PALM: variants seen among roughly 807,000 people sequenced by gnomAD.
PALM encodes paralemmin-1.
In PALM, 18 loss-of-function variants were observed where a neutral mutation model predicts 30.7. The ratio of observed to expected loss-of-function variants is 0.59; its 90% CI spans 0.41 to 0.87. PALM has a LOEUF of 0.87. Ranked by LOEUF, PALM falls within the 40% of genes least tolerant of loss-of-function variation. PALM has a pLI of 0.00. For missense variants in PALM, 529 were observed against 555.4 expected (o/e 0.95, Z 0.48); for synonymous variants, 286 against 242.8 (o/e 1.18, Z -1.66).
chr19:721,897 CCATTT>C (rs2032494767), intron 1 of PALM, among the ~76,000 whole-genome samples: 1 of 151,580 alleles, frequency 6.6e-6, no homozygotes, highest in African/African-American at 2.4e-5. Flanking sequence ...TGCACCTGGC[CCATTT>C]TTAAAAATTT....
intron 2 of PALM, 106 bp downstream of exon 2, chr19:726,295 G>A: frequency 1.1e-6 from 1 of 872,312 alleles, no homozygotes. Flanking sequence ...AGGGCATGGT[G>A]GGTGGTGAGT....
At chr19:727,288 C>G (rs1199618799) in intron 3 of PALM, among the ~76,000 whole-genome samples, 200 bp downstream of exon 3, 1 of 150,432 alleles carries the variant, frequency 6.6e-6, no homozygotes, top group Non-Finnish European at 1.5e-5. Context: ...TGACCCCAAC[C>G]TGACCCTGAC....
In PALM at chr19:709,314, T is replaced by C. The variant is rs2031991663; in HGVS notation, c.5+163T>C. Among the ~76,000 whole-genome samples, 1 of 150,872 alleles carries C rather than the reference T, an allele frequency of 6.6e-6. No homozygotes were observed. On this transcript the variant is annotated intron_variant, in intron 1 of 8. Transcript: ENST00000338448. The surrounding 1 kb of genome is among the most constrained non-coding windows in gnomAD (Gnocchi z 4.3). ...GGCCGCAGCGCAGCCGGGAAGAGACTCGGGCTGGGCCGCGCCTGCCGGGAG... is the reference window on the plus strand; with the variant it reads ...GGCCGCAGCGCAGCCGGGAAGAGACCCGGGCTGGGCCGCGCCTGCCGGGAG...
intron 1 of PALM, among the ~76,000 whole-genome samples, chr19:720,793 C>A (rs1162136292): frequency 2.0e-5 from 3 of 152,246 alleles, no homozygotes; most frequent in Admixed American, 1.3e-4. Context: ...GCCTGGGAGG[C>A]GGCCACACAG....
At chr19:730,446 A>AG (rs2032834871) in intron 4 of PALM, among the ~76,000 whole-genome samples, 1 of 152,178 alleles carries the variant, frequency 6.6e-6, no homozygotes. Context: ...ATACTTGGAA[A>AG]GTGACATGGT....
chr19:744,890 A>G (rs2033293340), intron 8 of PALM, among the ~76,000 whole-genome samples: 1 of 120,256 alleles, frequency 8.3e-6, no homozygotes. Context: ...GGAGTCAAAA[A>G]AAAAAAGCAG....
chr19:715,444 C>G (rs1017497289), intron 1 of PALM, among the ~76,000 whole-genome samples: 1 of 152,188 alleles, frequency 6.6e-6, no homozygotes, highest in African/African-American at 2.4e-5. Context: ...AGCATCTTCT[C>G]TGAGGTGTGA....
chr19:718,893 C>CG (rs2032360093), intron 1 of PALM, among the ~76,000 whole-genome samples: 1 of 151,878 alleles, frequency 6.6e-6, no homozygotes, highest in African/African-American at 2.4e-5. Context: ...GAAGCAGGGC[C>CG]GGGGGTGCCA....
intron 1 of PALM, among the ~76,000 whole-genome samples, chr19:723,237 G>A (rs1343299984): frequency 6.6e-6 from 1 of 152,160 alleles, no homozygotes; most frequent in South Asian, 2.1e-4. Context: ...AGAGAGGCAC[G>A]AGGGCTCTTT....
intron 7 of PALM, among the ~76,000 whole-genome samples, chr19:736,550 G>A (rs1352769668): frequency 1.3e-5 from 2 of 152,206 alleles, no homozygotes; most frequent in Non-Finnish European, 2.9e-5. Context: ...CGAGAAGCAG[G>A]GGAAGGTGGG....
intron 7 of PALM, among the ~76,000 whole-genome samples, chr19:738,370 C>A (rs2033085297): frequency 6.6e-6 from 1 of 151,906 alleles, no homozygotes; most frequent in Admixed American, 6.6e-5. Flanking sequence ...AGTAAAAATA[C>A]AAAAAATTAG....
intron 4 of PALM, among the ~76,000 whole-genome samples, chr19:729,563 T>G (rs1013052484): frequency 6.8e-6 from 1 of 147,812 alleles, no homozygotes; most frequent in African/African-American, 2.5e-5. Context: ...CCTCCCGGGT[T>G]CACGCCATTC....
At chr19:732,316 C>A (rs2032901030) in intron 5 of PALM, among the ~76,000 whole-genome samples, 1 of 152,210 alleles carries the variant, frequency 6.6e-6, no homozygotes, top group Non-Finnish European at 1.5e-5. Context: ...GGCAGAGAGG[C>A]TGGCTCAAGG....
chr19:710,242 C>T (rs1000026709), intron 1 of PALM, among the ~76,000 whole-genome samples: 1 of 152,230 alleles, frequency 6.6e-6, no homozygotes, highest in Non-Finnish European at 1.5e-5. Context: ...CCGCCACGCC[C>T]GCGGCTGGGT....
rs570679908 is a variant in PALM at position 710,421 on chromosome 19, C to G, written c.5+1270C>G. The stretch of plus-strand genomic sequence containing the variant: ...ACTTGCCTGCTCCACACCCCCACCC[C>G]CCAGCCTTGTTTATCTGCCCTGCTC... On this transcript the variant is annotated intron_variant, in intron 1 of 8. Coordinates refer to ENST00000338448, the MANE Select transcript of PALM (RefSeq NM_002579.3). 4.6e-4 allele frequency among the ~76,000 whole-genome samples: 70 copies of G among 152,338 alleles called. No homozygotes were observed. In the East Asian group the frequency reaches 0.012, roughly 26 times the overall value.
intron 4 of PALM, chr19:727,964 G>A (rs1042390466): frequency 1.8e-5 from 7 of 394,826 alleles, no homozygotes; most frequent in Middle Eastern, 6.7e-4. Context: ...CACCGCCCTC[G>A]TTTGAGCCAG....
chr19:737,094 G>A (rs2033045580), intron 7 of PALM, among the ~76,000 whole-genome samples: 4 of 152,210 alleles, frequency 2.6e-5, no homozygotes, highest in Admixed American at 2.0e-4. Context: ...AGGACTCTGG[G>A]GTGGCTGCCC....
rs547628593 is a variant in PALM at position 714,751 on chromosome 19, G to A, written c.5+5600G>A. On this transcript the variant is annotated intron_variant, in intron 1 of 8. Transcript: ENST00000338448. ...TGCAGCCTCCACGCCCCGGGCTCAC[G>A]GGATCCTCCACCCAGCCTCTTGAGT... Among the ~76,000 whole-genome samples the A allele has an allele frequency of 6.6e-5, 10 of 152,012 alleles. No individual in the cohort carries two copies. In the South Asian group the frequency reaches 1.7e-3, roughly 25 times the overall value.
At chr19:730,028 G>GC (rs2032822288) in intron 4 of PALM, among the ~76,000 whole-genome samples, 1 of 152,216 alleles carries the variant, frequency 6.6e-6, no homozygotes, top group Non-Finnish European at 1.5e-5. Context: ...GCTTTCAGAG[G>GC]CTTCAGCTTC....
Sources: allele counts gnomAD v4.1 joint callset (sites outside exome capture counted in the v4.1 genomes callset), GRCh38; gene constraint gnomAD v4.1.1; non-coding constraint Gnocchi (gnomAD v3.1); transcripts MANE v1.5; gene names NCBI Gene and HGNC (gene_info 2026-07-23, HGNC 2026-07-21).